NCAPD3: variants seen among roughly 807,000 people sequenced by gnomAD.
NCAPD3 encodes non-SMC condensin II complex subunit D3, also known as condensin-2 complex subunit D3.
In NCAPD3, 105 loss-of-function variants were observed where a neutral mutation model predicts 182.9. The observed-to-expected ratio is 0.57, with a 90% CI of 0.49 to 0.68. The LOEUF is 0.68. Among genes scored for constraint, NCAPD3 ranks in the 30% least tolerant of loss-of-function variants. The probability of loss-of-function intolerance (pLI) is 0.00; values close to 1 mark genes in which losing one functional copy is unlikely to be tolerated. For synonymous variants in NCAPD3, 815 were observed against 679.9 expected, an observed-to-expected ratio of 1.20 and a Z score of -3.09; for missense variants, 1,944 against 1,837.0, an observed-to-expected ratio of 1.06 and a Z score of -1.07.
chr11:134,167,098 G>A (rs1208292514), intron 27 of NCAPD3, among the ~76,000 whole-genome samples: 2 of 104,210 alleles, frequency 1.9e-5, no homozygotes, highest in African/African-American at 9.8e-5. Flanking sequence ...AGTGAGATGA[G>A]CTTGGGGGAG....
intron 27 of NCAPD3, among the ~76,000 whole-genome samples, chr11:134,167,163 T>C (rs1476159155): frequency 9.1e-6 from 1 of 110,040 alleles, no homozygotes; most frequent in East Asian, 2.9e-4. Flanking sequence ...ACTAGTGAGG[T>C]GAGCTTGGGG....
intron 16 of NCAPD3, among the ~76,000 whole-genome samples, chr11:134,188,238 G>C (rs1463761436): frequency 1.3e-5 from 2 of 150,968 alleles, no homozygotes; most frequent in East Asian, 3.9e-4. Context: ...AGCACTCCGT[G>C]TCTAGCTAAA....
At chr11:134,189,364 T>C (rs1944477647) in intron 16 of NCAPD3, among the ~76,000 whole-genome samples, 1 of 152,218 alleles carries the variant, frequency 6.6e-6, no homozygotes, top group African/African-American at 2.4e-5. Flanking sequence ...CTTCTTAAAT[T>C]GAACCTTTAG....
rs114167171 is a variant in NCAPD3 at position 134,191,144 on chromosome 11, G to A, written c.2045+1545C>T. Among the ~76,000 whole-genome samples the A allele has an allele frequency of 3.5e-3, 530 of 152,192 alleles. 3 individuals are homozygous for A. Among genetic ancestry groups the A allele is most frequent in the African/African-American group, 0.012 (488 of 41,504 alleles). On this transcript the variant is annotated intron_variant, in intron 16 of 34. Transcript: ENST00000534548. ...CTTACTCATTTTATAATCTCCTTAA[G>A]CAGTTTCATCCACAACCTGATTCCA...
intron 30 of NCAPD3, 112 bp from the exon 31 acceptor site, chr11:134,158,179 C>T: frequency 2.6e-6 from 4 of 1,517,212 alleles, no homozygotes; most frequent in Non-Finnish European, 3.6e-6. Flanking sequence ...TCACCACCCT[C>T]ATTCAAACCT....
chr11:134,152,595 C>T lies in NCAPD3; in HGVS notation c.*349G>A, dbSNP rs921070582. 81 of 187,014 alleles carry T rather than the reference C, an allele frequency of 4.3e-4. No individual in the cohort carries two copies. The highest frequency in any genetic ancestry group is 1.7e-3 in the African/African-American group (75 of 43,002). 11.6% of individuals were successfully genotyped at this position (187,014 alleles called of 1,614,324 possible). ...TATAAGGAATTCAAGTTAACAGAGGCTTGATTTATATAAAAGAAAGCTGCA... is the reference window on the plus strand; with the variant it reads ...TATAAGGAATTCAAGTTAACAGAGGTTTGATTTATATAAAAGAAAGCTGCA... On this transcript the variant is annotated 3_prime_UTR_variant, in exon 35 of 35. Transcript: ENST00000534548.
chr11:134,210,428 G>T lies in NCAPD3; in HGVS notation c.409C>A (p.Pro137Thr). 6.2e-7 allele frequency: 1 copy of T among 1,613,998 alleles called. No individual in the cohort carries two copies. Among genetic ancestry groups the T allele is most frequent in the Non-Finnish European group, 8.5e-7 (1 of 1,179,940 alleles). The change falls in exon 4 of 35, where the codon CCA (proline) becomes ACA (threonine). Residue 137 changes from proline to threonine, a missense_variant. Physicochemically the swap from Pro to Thr is conservative, Grantham distance 38. Coordinates refer to ENST00000534548, the MANE Select transcript of NCAPD3 (RefSeq NM_015261.3). ...TGAATGCATTTGTCAAACATCACTG[G>T]GTGGAATACTTGATTGGCTACACTG... is the stretch of plus-strand genomic sequence containing the variant. The part of the protein sequence containing the change: ...PGSVANQVFH[P>T]VMFDKCIQTL...
At chr11:134,200,286 A>C (rs912467797) in intron 13 of NCAPD3, among the ~76,000 whole-genome samples, 11 of 152,214 alleles carry the variant, frequency 7.2e-5, no homozygotes, top group African/African-American at 2.7e-4. Context: ...GCCTCATAGA[A>C]TACCATTTGA....
chr11:134,162,859 A>C (rs909656900), intron 27 of NCAPD3, among the ~76,000 whole-genome samples: 2 of 152,104 alleles, frequency 1.3e-5, no homozygotes, highest in Non-Finnish European at 2.9e-5. Context: ...GTGTGTCTCA[A>C]GGGAAGAGGT....
Position 134,168,157 on chromosome 11 carries a change from C to T in NCAPD3, c.3412G>A (p.Ala1138Thr), listed in dbSNP as rs1218025771. The change falls in exon 27 of 35, where the codon GCC (alanine) becomes ACC (threonine). Residue 1138 changes from alanine to threonine, a missense_variant. Physicochemically the swap from Ala to Thr is moderately conservative, Grantham distance 58. This residue lies in a region of NCAPD3 where 1,803 missense variants were observed against 1,674.6 expected (regional missense o/e 1.08). Coordinates refer to ENST00000534548, the MANE Select transcript of NCAPD3 (RefSeq NM_015261.3). ...AACGTGTCTGAGAGTAACTCACTGGCGTCCAGGTCCAGGGGTAGGATGCCA... is the reference window on the plus strand; with the variant it reads ...AACGTGTCTGAGAGTAACTCACTGGTGTCCAGGTCCAGGGGTAGGATGCCA... ...ADGILPLDLD[A>T]SELLSDTFEV... 5 of 1,614,152 alleles carry T rather than the reference C, an allele frequency of 3.1e-6. No homozygotes were observed. The highest frequency in any genetic ancestry group is 3.4e-6 in the Non-Finnish European group (4 of 1,180,008).
At position 134,194,744 on chromosome 11, in the gene NCAPD3, G is replaced by A. The variant is rs749298787; in HGVS notation, c.1616-6C>T. 6.3e-7 allele frequency: 1 copy of A among 1,594,268 alleles called. No homozygotes were observed. Among genetic ancestry groups the A allele is most frequent in the South Asian group, 1.1e-5 (1 of 88,696 alleles). The stretch of plus-strand genomic sequence containing the variant: ...CATTGCCATGACACATCTTTCTGTA[G>A]AGGGAATACCAAAGGGTCATCACAG... On this transcript the variant is annotated splice_polypyrimidine_tract_variant and splice_region_variant and intron_variant, in intron 13 of 34. Transcript: ENST00000534548.
At chr11:134,203,619 G>A in intron 11 of NCAPD3, 35 bp downstream of exon 11, 1 of 1,598,722 alleles carries the variant, frequency 6.3e-7, no homozygotes, top group Non-Finnish European at 8.5e-7. Context: ...ATGAGCACAA[G>A]ACCGGTTTAC....
At chr11:134,156,549 G>A (rs764287395) in intron 32 of NCAPD3, among the ~76,000 whole-genome samples, 1 of 152,218 alleles carries the variant, frequency 6.6e-6, no homozygotes, top group Non-Finnish European at 1.5e-5. Flanking sequence ...GAAAAAACAT[G>A]GAGGGGAATG....
chr11:134,203,830 A>T lies in NCAPD3; in HGVS notation c.1292T>A (p.Leu431His). The T allele has an allele frequency of 6.2e-7, 1 of 1,614,212 alleles. No homozygotes were observed. The highest frequency in any genetic ancestry group is 1.1e-5 in the South Asian group (1 of 91,090). The change falls in exon 11 of 35, where the codon CTC (leucine) becomes CAC (histidine). Residue 431 changes from leucine to histidine, a missense_variant. By Grantham distance (99) the Leu-to-His change is moderately conservative (BLOSUM62 -3). Transcript: ENST00000534548. ...ELPEREVDNTLSLEHQKFLKH... is the reference protein window; with the variant it reads ...ELPEREVDNTHSLEHQKFLKH... ...TAAGAACTTCTGATGCTCCAAGGAG[A>T]GGGTGTTATCCACCTCTCTTTCAGG...
In NCAPD3 at chr11:134,210,478, A is replaced by G. The variant is rs774143820; in HGVS notation, c.383-24T>C. ...GCCTATTCATGAGGAATAAAGAGTA[A>G]GCAAGTTAGATTTAATTGTCTTGAA... On this transcript the variant is annotated intron_variant, in intron 3 of 34. Coordinates refer to ENST00000534548, the MANE Select transcript of NCAPD3 (RefSeq NM_015261.3). 7 of 1,590,870 alleles carry G rather than the reference A, an allele frequency of 4.4e-6. No homozygotes were observed. In the South Asian group the frequency reaches 6.7e-5, roughly 15 times the overall value.
At chr11:134,153,396 C>T (rs748928161) in intron 32 of NCAPD3, 33 bp from the exon 33 acceptor site, 6 of 1,608,076 alleles carry the variant, frequency 3.7e-6, no homozygotes, top group Non-Finnish European at 5.1e-6. Flanking sequence ...TGAGTGAAAG[C>T]CGCGTGGTCT....
At chr11:134,159,603 A>AG (rs1311824066) in intron 29 of NCAPD3, among the ~76,000 whole-genome samples, 1 of 152,226 alleles carries the variant, frequency 6.6e-6, no homozygotes, top group African/African-American at 2.4e-5. Flanking sequence ...CTGGGGGAAG[A>AG]TGCGGACACA....
rs908818571 is a variant in NCAPD3, at chr11:134,209,425, C to T, written c.620G>A (p.Arg207Gln). The T allele has an allele frequency of 7.4e-6, 12 of 1,613,366 alleles. No individual in the cohort carries two copies. The highest frequency in any genetic ancestry group is 3.3e-5 in the South Asian group (3 of 91,012). ...GGCATTTCGAATTTGAGAAAGGTCC[C>T]GGGCAGAAAAACAAATATTCTCATC... is the stretch of plus-strand genomic sequence containing the variant. ...QEDENICFSA[R>Q]DLSQIRNAIF... The change falls in exon 5 of 35, where the codon CGG (arginine) becomes CAG (glutamine). Residue 207 changes from arginine (R) to glutamine (Q), a missense_variant. This residue lies in a region of NCAPD3 where 1,803 missense variants were observed against 1,674.6 expected (regional missense o/e 1.08). Coordinates refer to ENST00000534548, the MANE Select transcript of NCAPD3 (RefSeq NM_015261.3).
chr11:134,164,784 C>CACTT, intron 27 of NCAPD3, among the ~76,000 whole-genome samples: 4 of 148,400 alleles, frequency 2.7e-5, no homozygotes, highest in African/African-American at 2.5e-5. Flanking sequence ...GCTGCACACT[C>CACTT]GTGAAATGAA....
Sources: gnomAD v4.1 joint callset for allele counts (sites outside exome capture counted in the v4.1 genomes callset) on GRCh38, gnomAD v4.1.1 for gene constraint, gnomAD v4.1.1 regional missense constraint, MANE v1.5 for transcripts, NCBI Gene and HGNC (gene_info 2026-07-23, HGNC 2026-07-21) for gene names.